Variants in ARHGAP19 observed in about 807,000 individuals in gnomAD.
The protein encoded by ARHGAP19 is rho GTPase-activating protein 19.
ARHGAP19 carries 48 observed loss-of-function variants against 60.9 expected under a neutral mutation model. The ratio of observed to expected loss-of-function variants is 0.79; its 90% confidence interval spans 0.62 to 1.00. The LOEUF (loss-of-function observed/expected upper bound fraction) is 1.00, where lower values mean the gene tolerates loss of function less well. Ranked by LOEUF, ARHGAP19 falls within the 50% of genes least tolerant of loss-of-function variation. The pLI is 0.00. For synonymous variants in ARHGAP19, 209 were observed against 215.5 expected (o/e 0.97, Z 0.27); for missense variants, 562 against 597.2 (o/e 0.94, Z 0.61).
At chr10:97,254,968 A>G (rs1842734522) in intron 6 of ARHGAP19, among the ~76,000 whole-genome samples, 1 of 152,326 alleles carries the variant, frequency 6.6e-6, no homozygotes, top group East Asian at 1.9e-4. Flanking sequence ...GCAGTCACAG[A>G]AAGACAAATA....
At chr10:97,245,595 C>CAAAAAAAAAAAAA (rs397845381) in intron 7 of ARHGAP19, among the ~76,000 whole-genome samples, 1 of 112,348 alleles carries the variant, frequency 8.9e-6, no homozygotes, top group African/African-American at 3.5e-5. Flanking sequence ...AACCCTATCT[C>CAAAAAAAAAAAAA]AAAAAAAAAA....
At chr10:97,284,314 G>C (rs1191257927) in intron 1 of ARHGAP19, among the ~76,000 whole-genome samples, 3 of 152,030 alleles carry the variant, frequency 2.0e-5, no homozygotes, top group East Asian at 1.9e-4. Context: ...GTAGAGACAG[G>C]GTTTCACCAT....
chr10:97,235,526 T>C (rs1851114848), intron 8 of ARHGAP19, among the ~76,000 whole-genome samples: 1 of 152,136 alleles, frequency 6.6e-6, no homozygotes, highest in African/African-American at 2.4e-5. Context: ...GCACGCCACA[T>C]TCCTTGAATG....
intron 6 of ARHGAP19, among the ~76,000 whole-genome samples, chr10:97,250,152 T>A (rs1842622700): frequency 6.6e-6 from 1 of 152,140 alleles, no homozygotes; most frequent in Non-Finnish European, 1.5e-5. Flanking sequence ...AGGAATGAAG[T>A]ATCATGGTGT....
chr10:97,258,947 C>A (rs557374242), intron 5 of ARHGAP19, among the ~76,000 whole-genome samples: 75 of 152,124 alleles, frequency 4.9e-4, no homozygotes, highest in Non-Finnish European at 1.0e-3. Context: ...ATACAAAAGT[C>A]AGGACAAGGC....
intron 1 of ARHGAP19, among the ~76,000 whole-genome samples, chr10:97,285,126 AAG>A (rs1843136917): frequency 6.6e-6 from 1 of 151,966 alleles, no homozygotes; most frequent in Non-Finnish European, 1.5e-5. Flanking sequence ...CCGCCTCCCA[AAG>A]TGCTGGGATT....
rs1243424620 is a variant in ARHGAP19 at position 97,225,030 on chromosome 10, GCTT to G, written c.*1089_*1091del. ...GTCAGCCCTGCAGAGGTTGCTGCTTGCTTCTTCTTTCTGATCCTAACTTCCTCT... is the reference window on the plus strand; with the variant it reads ...GTCAGCCCTGCAGAGGTTGCTGCTTGCTTCTTTCTGATCCTAACTTCCTCT... On this transcript the variant is annotated 3_prime_UTR_variant, in exon 12 of 12. Coordinates refer to ENST00000358531, the MANE Select transcript of ARHGAP19 (RefSeq NM_032900.6). The G allele has an allele frequency of 6.6e-6, 1 of 152,494 alleles. No individual in the cohort carries two copies. The highest frequency in any genetic ancestry group is 2.1e-4 in the South Asian group (1 of 4,834). The allele number at this position is 152,494 out of a possible 1,614,324, so 9.4% of individuals were successfully genotyped here.
At position 97,235,234 on chromosome 10, in the gene ARHGAP19, A is replaced by G. The variant is rs1303205144; in HGVS notation, c.1267T>C (p.Phe423Leu). 8 of 1,613,436 alleles carry G rather than the reference A, an allele frequency of 5.0e-6. No homozygotes were observed. The highest frequency in any genetic ancestry group is 2.7e-5 in the African/African-American group (2 of 75,024). Residue 423 changes from phenylalanine (F) to leucine (L), a missense_variant, in exon 9 of 12, where the codon TTC becomes CTC. Transcript: ENST00000358531. ...ATACCTACCTTAATAAGCCCACTGA[A>G]GGAGCGCGAACGAGCCCTCTTTTGT... ...QVQKRARSRS[F>L]SGLIKRKVLG...
intron 1 of ARHGAP19, chr10:97,270,544 T>C (rs566714325): frequency 1.4e-6 from 2 of 1,393,724 alleles, no homozygotes; most frequent in African/African-American, 1.5e-5. Context: ...AACTTTCTAC[T>C]CTACAATATT....
At chr10:97,253,974 G>A (rs555466812) in intron 6 of ARHGAP19, among the ~76,000 whole-genome samples, 3 of 152,056 alleles carry the variant, frequency 2.0e-5, no homozygotes, top group Non-Finnish European at 2.9e-5. Flanking sequence ...GGGAACTACT[G>A]TATAATGAAA....
chr10:97,239,455 A>G (rs953629116), intron 8 of ARHGAP19, among the ~76,000 whole-genome samples: 11 of 151,446 alleles, frequency 7.3e-5, no homozygotes, highest in African/African-American at 2.7e-4. Flanking sequence ...GAGATCGGAG[A>G]TCGTGCCACT....
Position 97,235,284 on chromosome 10 carries a change from C to T in ARHGAP19, c.1217G>A (p.Gly406Glu), listed in dbSNP as rs1851109158. The T allele has an allele frequency of 1.2e-6, 2 of 1,613,654 alleles. No homozygotes were observed. Among genetic ancestry groups the T allele is most frequent in the Non-Finnish European group, 1.7e-6 (2 of 1,179,742 alleles). The change falls in exon 9 of 12, where the codon GGG becomes GAG. Residue 406 changes from glycine (G) to glutamate (E), a missense_variant. Physicochemically the swap from Gly to Glu is moderately conservative, Grantham distance 98 (BLOSUM62 -2). Transcript: ENST00000358531. ...TACCTGGGAAGTAGAAGGTTCTCGC[C>T]CTGGTGTCTGGGTCAATGATTGCTT... ...FNKQSLTQTP[G>E]REPSTSQVQK...
intron 8 of ARHGAP19, among the ~76,000 whole-genome samples, chr10:97,238,713 T>C (rs1842422375): frequency 6.6e-6 from 1 of 152,178 alleles, no homozygotes; most frequent in Admixed American, 6.6e-5. Context: ...GTAAAAAAGT[T>C]ACAGTAAGCT....
At chr10:97,255,650 CTG>C (rs1395504654) in intron 6 of ARHGAP19, among the ~76,000 whole-genome samples, 1 of 152,124 alleles carries the variant, frequency 6.6e-6, no homozygotes, top group Non-Finnish European at 1.5e-5. Context: ...AAGGATGTGA[CTG>C]TGCTACGTTT....
chr10:97,271,340 AATAG>A (rs1419718289), intron 1 of ARHGAP19, among the ~76,000 whole-genome samples: 6 of 151,996 alleles, frequency 3.9e-5, no homozygotes, highest in East Asian at 1.9e-4. Flanking sequence ...TAAATAAATA[AATAG>A]ATAAATAAAT....
chr10:97,263,018 T>C (rs757023893), intron 4 of ARHGAP19, among the ~76,000 whole-genome samples: 7 of 151,756 alleles, frequency 4.6e-5, no homozygotes, highest in Non-Finnish European at 7.4e-5. Flanking sequence ...GAGGCTGAGG[T>C]GGGAGGCTCA....
rs1449249644 is a variant in ARHGAP19 at position 97,259,576 on chromosome 10, G to T, written c.666C>A (p.Asp222Glu). Residue 222 changes from aspartate (D) to glutamate (E), a missense_variant, in exon 5 of 12, where the codon GAC becomes GAA. Coordinates refer to ENST00000358531, the MANE Select transcript of ARHGAP19 (RefSeq NM_032900.6). The stretch of plus-strand genomic sequence containing the variant: ...GCAACTGGAGAGCCTCAATTTGCCG[G>T]TCCTTGTCTGGTATATTGGTCTTGT... The part of the protein sequence containing the change: ...KGNKTNIPDK[D>E]RQIEALQLLF... 4.3e-6 allele frequency: 7 copies of T among 1,614,042 alleles called. No individual in the cohort carries two copies. Among genetic ancestry groups the T allele is most frequent in the Non-Finnish European group, 5.9e-6 (7 of 1,180,036 alleles).
chr10:97,232,465 T>G (rs1851043261), intron 9 of ARHGAP19, among the ~76,000 whole-genome samples: 1 of 152,116 alleles, frequency 6.6e-6, no homozygotes, highest in Non-Finnish European at 1.5e-5. Context: ...GCGCGGCCTC[T>G]GCCCACTCTT....
chr10:97,236,229 G>A (rs184315532), intron 8 of ARHGAP19, among the ~76,000 whole-genome samples: 41 of 151,908 alleles, frequency 2.7e-4, no homozygotes, highest in African/African-American at 9.7e-4. Context: ...CGCCCACCTC[G>A]GCCTACCAAA....
Sources: allele counts gnomAD v4.1 joint callset (sites outside exome capture counted in the v4.1 genomes callset), GRCh38; gene constraint gnomAD v4.1.1; transcripts MANE v1.5; gene names NCBI Gene and HGNC (gene_info 2026-07-23, HGNC 2026-07-21).